THAP3: variants seen among roughly 807,000 people sequenced by gnomAD.
The protein encoded by THAP3 is THAP domain-containing protein 3.
A neutral mutation model predicts 17.7 loss-of-function variants in THAP3; 12 were observed. The observed-to-expected ratio is 0.68, with a 90% CI of 0.43 to 1.10. THAP3 has a LOEUF of 1.10. THAP3 is among the 50% of genes least tolerant of loss of function. The pLI, the probability that THAP3 is intolerant of heterozygous loss-of-function variation, is 0.00. For missense variants in THAP3, 289 were observed against 318.0 expected, an observed-to-expected ratio of 0.91 and a Z score of 0.69; for synonymous variants, 133 against 126.9, an observed-to-expected ratio of 1.05 and a Z score of -0.32.
chr1:6,631,785 T>C (rs1641621731), intron 4 of THAP3, among the ~76,000 whole-genome samples: 1 of 152,060 alleles, frequency 6.6e-6, no homozygotes, highest in Non-Finnish European at 1.5e-5. Context: ...TAATCCCAGC[T>C]ACTCTGGAGG....
chr1:6,626,566 G>T (rs984879279), intron 2 of THAP3, among the ~76,000 whole-genome samples: 1 of 152,218 alleles, frequency 6.6e-6, no homozygotes, highest in Admixed American at 6.5e-5. Context: ...GGCTGGGCGT[G>T]GTGGCTCACG....
intron 3 of THAP3, 105 bp downstream of exon 3, chr1:6,628,796 A>G (rs111956529): frequency 1.7e-6 from 2 of 1,192,286 alleles, no homozygotes; most frequent in African/African-American, 3.1e-5. Flanking sequence ...GCCAAGGCCA[A>G]GAACTCCAGT....
chr1:6,625,066 G>A, intron 1 of THAP3, 84 bp from the exon 2 acceptor site: 2 of 819,146 alleles, frequency 2.4e-6, no homozygotes, highest in South Asian at 1.8e-5. Context: ...GGGAGACGCG[G>A]GTGGCTGGGA....
chr1:6,630,702 CTGGGATTACAG>C (rs1641586678), intron 4 of THAP3, among the ~76,000 whole-genome samples: 1 of 152,078 alleles, frequency 6.6e-6, no homozygotes, highest in Admixed American at 6.5e-5. Flanking sequence ...TCCCGAGTAG[CTGGGATTACAG>C]ATGCCCGCTA....
chr1:6,632,009 T>G (rs1235875806), intron 4 of THAP3, among the ~76,000 whole-genome samples: 2 of 146,884 alleles, frequency 1.4e-5, no homozygotes, highest in Admixed American at 6.9e-5. Flanking sequence ...ATCATGCCAC[T>G]GCACTCCAGC....
At chr1:6,629,839 G>A (rs1025194383) in intron 3 of THAP3, 18 of 182,236 alleles carry the variant, frequency 9.9e-5, no homozygotes, top group African/African-American at 4.0e-4. Flanking sequence ...TGTAGCCCTC[G>A]GTGCTTCCAG....
intron 3 of THAP3, 77 bp downstream of exon 3, chr1:6,628,768 G>A (rs1641530972): frequency 6.9e-7 from 1 of 1,458,206 alleles, no homozygotes; most frequent in Admixed American, 2.2e-5. Context: ...AGTGGGGGTG[G>A]CGGCATGTGT....
downstream of THAP3, chr1:6,635,541 T>G: frequency 9.9e-7 from 1 of 1,009,722 alleles, no homozygotes; most frequent in South Asian, 1.6e-5. Flanking sequence ...CTTCACATAA[T>G]TGATAATGGT....
chr1:6,628,517 G>C lies in THAP3; in HGVS notation c.93G>C (p.Pro31=). Residue 31 remains proline, a synonymous_variant, in exon 3 of 6, where the codon CCG becomes CCC. Coordinates refer to ENST00000054650, the MANE Select transcript of THAP3 (RefSeq NM_001195753.2). ...LTFHRFPFSR[P]ELLKEWVLNI... ...CCCTTAGGTTTCCGTTCAGCCGCCCGGAGCTGCTGAAGGAATGGGTGCTGA... is the reference window on the plus strand; with the variant it reads ...CCCTTAGGTTTCCGTTCAGCCGCCCCGAGCTGCTGAAGGAATGGGTGCTGA... 6.2e-7 allele frequency: 1 copy of C among 1,613,044 alleles called. No individual in the cohort carries two copies. Among genetic ancestry groups the C allele is most frequent in the Non-Finnish European group, 8.5e-7 (1 of 1,179,724 alleles).
downstream of THAP3, chr1:6,634,780 G>A (rs1255899767): frequency 1.5e-6 from 2 of 1,318,450 alleles, no homozygotes; most frequent in Non-Finnish European, 2.0e-6. Flanking sequence ...GAGCTGCAGT[G>A]CCACCTGCTG....
intron 2 of THAP3, among the ~76,000 whole-genome samples, chr1:6,626,332 C>A (rs1049226657): frequency 3.3e-5 from 5 of 152,132 alleles, no homozygotes; most frequent in Non-Finnish European, 7.4e-5. Flanking sequence ...AACATCACTA[C>A]CCCCGAGAAG....
chr1:6,633,253 G>A lies in THAP3; in HGVS notation c.*176G>A. The A allele has an allele frequency of 9.7e-6, 14 of 1,439,290 alleles. No individual in the cohort carries two copies. The highest frequency in any genetic ancestry group is 3.0e-5 in the South Asian group (2 of 66,438). 89.2% of individuals were successfully genotyped at this position (1,439,290 alleles called of 1,614,324 possible). ...CCCGGCGAGAGCCCCAATGCCGTCT[G>A]GGGGACGTTTAGAGGCGTGGCACTA... On this transcript the variant is annotated 3_prime_UTR_variant, in exon 6 of 6. Transcript: ENST00000054650.
chr1:6,625,399 G>C (rs1641438320), intron 2 of THAP3, 107 bp downstream of exon 2: 2 of 1,085,078 alleles, frequency 1.8e-6, no homozygotes, highest in Non-Finnish European at 2.4e-6. Context: ...TGCGGCCGCT[G>C]GGCCCGGGGA....
intron 4 of THAP3, among the ~76,000 whole-genome samples, chr1:6,631,066 G>A (rs1048111960): frequency 2.0e-4 from 31 of 151,892 alleles, no homozygotes; most frequent in African/African-American, 6.5e-4. Flanking sequence ...GTACAGTGGT[G>A]CAGTCATGGC....
At chr1:6,625,765 G>A (rs199805352) in intron 2 of THAP3, among the ~76,000 whole-genome samples, 3 of 128,594 alleles carry the variant, frequency 2.3e-5, no homozygotes, top group South Asian at 2.6e-4. Flanking sequence ...GGCCCGGCCC[G>A]GCCCAGGAGC....
chr1:6,625,751 G>A (rs1364752939), intron 2 of THAP3, among the ~76,000 whole-genome samples: 2 of 16,402 alleles, frequency 1.2e-4, no homozygotes, highest in Non-Finnish European at 3.0e-4. Flanking sequence ...CACTCGCCCG[G>A]CCCGGCCCGG....
At position 6,625,138 on chromosome 1, in the gene THAP3, C is replaced by G; in HGVS notation, c.-69-12C>G. 1 of 1,427,710 alleles carries G rather than the reference C, an allele frequency of 7.0e-7. No individual in the cohort carries two copies. The highest frequency in any genetic ancestry group is 9.4e-7 in the Non-Finnish European group (1 of 1,062,600). 88.4% of individuals were successfully genotyped at this position (1,427,710 alleles called of 1,614,324 possible). A position where few individuals can be genotyped will look rare whatever the true frequency, so the allele number is the denominator to read the frequency against. The stretch of plus-strand genomic sequence containing the variant: ...CGTCACCACCTCCCAGCGGCCCCGC[C>G]CCTCCCCGCAGGTCCCTCCCCTCTC... On this transcript the variant is annotated splice_polypyrimidine_tract_variant and intron_variant, in intron 1 of 5. Coordinates refer to ENST00000054650, the MANE Select transcript of THAP3 (RefSeq NM_001195753.2).
downstream of THAP3, chr1:6,634,369 T>C (rs1001906718): frequency 2.6e-6 from 3 of 1,132,658 alleles, no homozygotes; most frequent in Non-Finnish European, 3.5e-6. Context: ...AGATGAATGT[T>C]ACAGAATTGG....
downstream of THAP3, chr1:6,634,496 C>A (rs59818822): frequency 3.1e-4 from 420 of 1,341,770 alleles, 7 homozygotes; most frequent in East Asian, 0.019. Context: ...TGGAGGCCGG[C>A]GCAGCTTGGG....
Sources: gnomAD v4.1 joint callset for allele counts (sites outside exome capture counted in the v4.1 genomes callset) on GRCh38, gnomAD v4.1.1 for gene constraint, MANE v1.5 for transcripts, NCBI Gene and HGNC (gene_info 2026-07-23, HGNC 2026-07-21) for gene names.